GLIS3: variants seen among roughly 807,000 people sequenced by gnomAD.
GLIS3 encodes the protein GLIS family zinc finger 3.
A neutral mutation model predicts 78.6 loss-of-function variants in GLIS3; 53 were observed. The observed-to-expected ratio is 0.67, with a 90% CI of 0.54 to 0.85. The LOEUF is 0.85. Among genes scored for constraint, GLIS3 ranks in the 40% least tolerant of loss-of-function variants. The pLI is 0.00. For synonymous variants in GLIS3, 684 were observed against 509.9 expected, an observed-to-expected ratio of 1.34 and a Z score of -4.60; for missense variants, 1,703 against 1,231.1, an observed-to-expected ratio of 1.38 and a Z score of -5.74.
intron 2 of GLIS3, 136 bp downstream of exon 2, chr9:4,285,902 T>C: frequency 9.4e-7 from 1 of 1,067,100 alleles, no homozygotes; most frequent in Admixed American, 1.8e-5. Flanking sequence ...GAGCAAGCTA[T>C]ATATCATTAT....
At chr9:4,001,702 G>T (rs550264494) in intron 4 of GLIS3, among the ~76,000 whole-genome samples, 1 of 152,122 alleles carries the variant, frequency 6.6e-6, no homozygotes, top group Non-Finnish European at 1.5e-5. Flanking sequence ...CATCATATCT[G>T]CCATTTATGA....
At chr9:4,427,493 G>T in the GLIS3 span, among the ~76,000 whole-genome samples, 4 of 152,122 alleles carry the variant, frequency 2.6e-5, no homozygotes, top group Non-Finnish European at 2.9e-5. Context: ...TGAGCCTGAA[G>T]CCCAGTCCCA....
the GLIS3 span, among the ~76,000 whole-genome samples, chr9:4,376,825 G>C: frequency 1.5e-5 from 2 of 135,424 alleles, 1 homozygote; most frequent in Non-Finnish European, 3.3e-5. Context: ...TCTGGTGGGA[G>C]AGTATACAGG....
intron 1 of GLIS3, among the ~76,000 whole-genome samples, chr9:4,288,820 A>G (rs1388364934): frequency 2.0e-5 from 3 of 152,222 alleles, no homozygotes; most frequent in Non-Finnish European, 4.4e-5. Context: ...ACCATAACGA[A>G]AAAACCAATA....
At chr9:3,852,463 C>A (rs1364931562) in intron 9 of GLIS3, among the ~76,000 whole-genome samples, 1 of 152,162 alleles carries the variant, frequency 6.6e-6, no homozygotes, top group Non-Finnish European at 1.5e-5. Context: ...ACGGTGTTCC[C>A]TGTTACCAAG....
In GLIS3 at chr9:4,199,589, A is replaced by G. The variant is rs548067761; in HGVS notation, c.389-73648T>C. Among the ~76,000 whole-genome samples the G allele has an allele frequency of 9.9e-5, 15 of 151,974 alleles. No homozygotes were observed. In the East Asian group the frequency reaches 2.3e-3, roughly 23 times the overall value. On this transcript the variant is annotated intron_variant, in intron 2 of 10. Transcript: ENST00000381971. ...TACATAAAAAAAAAAGTGGGGCTCA[A>G]TTCAACAAGAAGACTTAACTATCCT...
At chr9:4,147,407 G>C (rs1834309490) in intron 2 of GLIS3, 1 of 152,178 alleles carries the variant, frequency 6.6e-6, no homozygotes, top group Non-Finnish European at 1.5e-5. Context: ...TTAGAAGTAA[G>C]AAGTCCTTGC....
intron 9 of GLIS3, among the ~76,000 whole-genome samples, chr9:3,847,751 T>C (rs1019477298): frequency 3.3e-5 from 5 of 152,266 alleles, no homozygotes; most frequent in African/African-American, 1.2e-4. Context: ...ACTTTTGTTT[T>C]TTAGAATTAG....
chr9:4,108,443 T>A (rs1830944733), intron 4 of GLIS3, among the ~76,000 whole-genome samples: 1 of 152,106 alleles, frequency 6.6e-6, no homozygotes, highest in African/African-American at 2.4e-5. Flanking sequence ...TCACCACAAA[T>A]GAGATGAAAG....
chr9:4,119,549 A>G (rs35650216), intron 3 of GLIS3, among the ~76,000 whole-genome samples: 32,516 of 152,138 alleles, frequency 0.21, 3,715 homozygotes, highest in Admixed American at 0.26. Flanking sequence ...CAGCTATAAT[A>G]TATAAGGGAG....
chr9:4,370,152 C>A, the GLIS3 span, among the ~76,000 whole-genome samples: 1 of 142,558 alleles, frequency 7.0e-6, no homozygotes, highest in Non-Finnish European at 1.5e-5. Flanking sequence ...AGATTGCACT[C>A]CAGCCTAGGC....
chr9:4,202,529 G>A (rs1819501466), intron 2 of GLIS3, among the ~76,000 whole-genome samples: 1 of 152,060 alleles, frequency 6.6e-6, no homozygotes, highest in African/African-American at 2.4e-5. Flanking sequence ...TAAGCAAAAA[G>A]AACAAAGATG....
chr9:3,846,583 T>C (rs577623300), intron 9 of GLIS3, among the ~76,000 whole-genome samples: 1 of 152,324 alleles, frequency 6.6e-6, no homozygotes, highest in African/African-American at 2.4e-5. Flanking sequence ...CATGACCTGC[T>C]CATAGGATTC....
chr9:4,140,652 C>G (rs1034436078), intron 2 of GLIS3, among the ~76,000 whole-genome samples: 11 of 152,156 alleles, frequency 7.2e-5, no homozygotes, highest in African/African-American at 2.7e-4. Context: ...CTCCTCTAGA[C>G]TGTAATTGTT....
chr9:4,264,146 G>A (rs899691817), intron 2 of GLIS3, among the ~76,000 whole-genome samples: 1 of 152,132 alleles, frequency 6.6e-6, no homozygotes, highest in African/African-American at 2.4e-5. Flanking sequence ...CCCAATTCCA[G>A]ATTTCTCCAT....
At chr9:3,950,411 C>T (rs991372529) in intron 4 of GLIS3, among the ~76,000 whole-genome samples, 18 of 152,340 alleles carry the variant, frequency 1.2e-4, no homozygotes, top group Admixed American at 9.8e-4. Flanking sequence ...ATGGCTCATA[C>T]ATCTTGCTTG....
chr9:3,825,270 A>C lies in GLIS3; in HGVS notation c.*3002T>G, dbSNP rs1817666686. On this transcript the variant is annotated 3_prime_UTR_variant, in exon 11 of 11. Transcript: ENST00000381971. Reference sequence around the variant, plus strand: ...TTCTTATTTTATGATCGCTTATGTAATTTGAGGGCGACATGGGTAATGGGA... The same window carrying C: ...TTCTTATTTTATGATCGCTTATGTACTTTGAGGGCGACATGGGTAATGGGA... 6.6e-6 allele frequency: 1 copy of C among 152,082 alleles called. No individual in the cohort carries two copies. The highest frequency in any genetic ancestry group is 6.6e-5 in the Admixed American group (1 of 15,262). The allele number at this position is 152,082 out of a possible 1,614,324, so 9.4% of individuals were successfully genotyped here.
chr9:4,201,739 T>C (rs964504907), intron 2 of GLIS3, among the ~76,000 whole-genome samples: 1 of 152,142 alleles, frequency 6.6e-6, no homozygotes, highest in African/African-American at 2.4e-5. Context: ...GAAGACTCAA[T>C]ACCATTACAA....
the GLIS3 span, among the ~76,000 whole-genome samples, chr9:4,403,577 ATAAAGTG>A: frequency 1.6e-4 from 24 of 152,328 alleles, no homozygotes; most frequent in African/African-American, 5.5e-4. Context: ...GAACAAAGTT[ATAAAGTG>A]TAGAGTTTTT....
Sources: gnomAD v4.1 joint callset for allele counts (sites outside exome capture counted in the v4.1 genomes callset) on GRCh38, gnomAD v4.1.1 for gene constraint, MANE v1.5 for transcripts, NCBI Gene and HGNC (gene_info 2026-07-23, HGNC 2026-07-21) for gene names.